Variants in KRT77 observed in about 807,000 individuals in gnomAD.
The protein encoded by KRT77 is keratin, type II cytoskeletal 1b.
A neutral mutation model predicts 51.5 loss-of-function variants in KRT77; 44 were observed. That is an observed-to-expected ratio of 0.85 (90% CI 0.67 to 1.10). KRT77 has a LOEUF of 1.10. Among genes scored for constraint, KRT77 ranks in the 50% least tolerant of loss-of-function variants. The pLI, the probability that KRT77 is intolerant of heterozygous loss-of-function variation, is 0.00. For missense variants in KRT77, 763 were observed against 743.9 expected (o/e 1.03, Z -0.30); for synonymous variants, 293 against 302.0 (o/e 0.97, Z 0.31).
rs766459602 is a variant in KRT77 at position 52,691,422 on chromosome 12, C to T, written c.1480G>A (p.Val494Met). The T allele has an allele frequency of 2.5e-6, 4 of 1,593,936 alleles. No homozygotes were observed. The highest frequency in any genetic ancestry group is 3.4e-6 in the Non-Finnish European group (4 of 1,174,722). The change falls in exon 9 of 9, where the codon GTG (valine) becomes ATG (methionine). Residue 494 changes from valine (V) to methionine (M), a missense_variant. By Grantham distance (21) the Val-to-Met change is conservative (BLOSUM62 1). Coordinates refer to ENST00000341809, the MANE Select transcript of KRT77 (RefSeq NM_175078.3). ...CCTCCCGCGCCGCCGTTGACGCTCA[C>T]CTGGCTGTTCTGCACGGCTGTGGGT... ...HVSISVQNSQ[V>M]SVNGGAGGGG... is the part of the protein sequence containing the mutation.
intron 1 of KRT77, among the ~76,000 whole-genome samples, chr12:52,700,129 C>T (rs1192610490): frequency 6.6e-6 from 1 of 152,186 alleles, no homozygotes; most frequent in Admixed American, 6.5e-5. Flanking sequence ...TTTCCACTCT[C>T]TGAGCGTCCA....
chr12:52,697,956 T>C lies in KRT77; in HGVS notation c.544-60A>G, dbSNP rs185788292. On this transcript the variant is annotated intron_variant, in intron 1 of 8. Transcript: ENST00000341809. Reference sequence around the variant, plus strand: ...TGGATCAGAGCAGCTCCCCCATAAGTAGGAGCATCCATACCCCCTCAACAC... The same window carrying C: ...TGGATCAGAGCAGCTCCCCCATAAGCAGGAGCATCCATACCCCCTCAACAC... 5.9e-5 allele frequency: 90 copies of C among 1,520,378 alleles called. No individual in the cohort carries two copies. The African/African-American group carries it at 1.1e-3, about 19-fold the overall frequency. 94.2% of individuals were successfully genotyped at this position (1,520,378 alleles called of 1,614,324 possible). A position where few individuals can be genotyped will look rare whatever the true frequency, so the allele number is the denominator to read the frequency against.
intron 1 of KRT77, chr12:52,698,388 C>A: frequency 2.5e-6 from 1 of 394,788 alleles, no homozygotes; most frequent in South Asian, 1.9e-5. Context: ...CCTGCAGCCA[C>A]CACCACCTCT....
intron 3 of KRT77, 91 bp downstream of exon 3, chr12:52,696,279 C>T: frequency 7.9e-7 from 1 of 1,264,346 alleles, no homozygotes; most frequent in African/African-American, 1.5e-5. Flanking sequence ...AGAGGCCACC[C>T]TGCCGTTGTC....
rs1208497914 is a variant in KRT77, at chr12:52,703,427, T to C, written c.8A>G (p.His3Arg). 6.3e-7 allele frequency: 1 copy of C among 1,577,200 alleles called. No homozygotes were observed. The highest frequency in any genetic ancestry group is 1.4e-5 in the African/African-American group (1 of 73,968). ...AAACGCGGACTGAGAACTAAATTGG[T>C]GGCTCATGTTTGCTGGAGCATCCAG... Reference protein sequence around the residue: MSHQFSSQSAFSS... With the variant: MSRQFSSQSAFSS... Residue 3 changes from histidine (H) to arginine (R), a missense_variant, in exon 1 of 9, where the codon CAC becomes CGC. His to Arg is a conservative substitution (Grantham distance 29). Coordinates refer to ENST00000341809, the MANE Select transcript of KRT77 (RefSeq NM_175078.3).
chr12:52,703,336 T>C lies in KRT77; in HGVS notation c.99A>G (p.Ala33=). ...SSAGSGGGSP[A]VGSVCYARGR... is the part of the protein sequence containing the mutation. ...CTCGAGCATAACACACAGAACCCAC[T>C]GCCGGACTCCCACCACCAGAGCCTG... Residue 33 remains alanine, a synonymous_variant, in exon 1 of 9, where the codon GCA becomes GCG. Coordinates refer to ENST00000341809, the MANE Select transcript of KRT77 (RefSeq NM_175078.3). 6.2e-7 allele frequency: 1 copy of C among 1,614,032 alleles called. No individual in the cohort carries two copies. Among genetic ancestry groups the C allele is most frequent in the South Asian group, 1.1e-5 (1 of 91,054 alleles).
At position 52,703,386 on chromosome 12, in the gene KRT77, G is replaced by T; in HGVS notation, c.49C>A (p.Arg17=). ...SQSAFSSMSR[R]VYSTSSSAGS... ...GCAGAAGAGCTGGTACTATAAACCC[G>T]CCTGCTCATTGAACTAAACGCGGAC... Residue 17 remains arginine, a synonymous_variant, in exon 1 of 9, where the codon CGG becomes AGG. Coordinates refer to ENST00000341809, the MANE Select transcript of KRT77 (RefSeq NM_175078.3). The T allele has an allele frequency of 1.9e-6, 3 of 1,610,902 alleles. No individual in the cohort carries two copies. Among genetic ancestry groups the T allele is most frequent in the Non-Finnish European group, 1.7e-6 (2 of 1,177,988 alleles).
At chr12:52,692,003 C>T in intron 7 of KRT77, 31 bp from the exon 8 acceptor site, 2 of 1,612,932 alleles carry the variant, frequency 1.2e-6, no homozygotes, top group Non-Finnish European at 1.7e-6. Context: ...GTCAGCCAGA[C>T]CCACAGGGCC....
In KRT77 at chr12:52,702,865, G is replaced by A. The variant is rs199733480; in HGVS notation, c.543+27C>T. On this transcript the variant is annotated intron_variant, in intron 1 of 8. Coordinates refer to ENST00000341809, the MANE Select transcript of KRT77 (RefSeq NM_175078.3). ...CTCAGTCATTTGGTCAGTGACCAAT[G>A]ACCCTCCCTGCCCCTGAGGTGCTCA... 5 of 1,611,442 alleles carry A rather than the reference G, an allele frequency of 3.1e-6. No individual in the cohort carries two copies. The South Asian group carries it at 4.4e-5, about 14-fold the overall frequency.
At chr12:52,695,902 C>T (rs372178812) in intron 3 of KRT77, 35 bp from the exon 4 acceptor site, 2 of 1,358,892 alleles carry the variant, frequency 1.5e-6, no homozygotes, top group Non-Finnish European at 2.1e-6. Flanking sequence ...GACTTTATTG[C>T]CCAGGCATTG....
At position 52,691,140 on chromosome 12, in the gene KRT77, G is replaced by A. The variant is rs566213884; in HGVS notation, c.*25C>T. On this transcript the variant is annotated 3_prime_UTR_variant, in exon 9 of 9. Transcript: ENST00000341809. ...GAGGAGAGGGCGGTGAGGGGCAGGC[G>A]TGATGTGTGGCAGAAACGAGGCCTC... The A allele has an allele frequency of 3.2e-4, 524 of 1,613,914 alleles. 9 individuals are homozygous for A. In the South Asian group the frequency reaches 5.5e-3, roughly 17 times the overall value.
At chr12:52,692,389 C>T (rs2121043769) in intron 7 of KRT77, 32 bp downstream of exon 7, 1 of 1,610,842 alleles carries the variant, frequency 6.2e-7, no homozygotes, top group Non-Finnish European at 8.5e-7. Flanking sequence ...CATCTCAAGC[C>T]TTAGCCCCAG....
chr12:52,696,694 G>A, intron 2 of KRT77: 1 of 417,910 alleles, frequency 2.4e-6, no homozygotes, highest in African/African-American at 2.0e-5. Flanking sequence ...TCCCTGGAAT[G>A]TCTATTTTTA....
chr12:52,698,163 A>G (rs1294705421), intron 1 of KRT77: 1 of 1,370,828 alleles, frequency 7.3e-7, no homozygotes, highest in Admixed American at 2.2e-5. Context: ...CATTTACATC[A>G]TAGAGCACTC....
Position 52,697,808 on chromosome 12 carries a change from A to C in KRT77, c.632T>G (p.Leu211Arg). The part of the protein sequence containing the change: ...QVNTSTGTNN[L>R]EPLLENYIGD... ...GATGTAGTTCTCCAAGAGGGGCTCC[A>C]GGTTGTTGGTTCCAGTTGAGGTGTT... The change falls in exon 2 of 9, where the codon CTG becomes CGG. Residue 211 changes from leucine (L) to arginine (R), a missense_variant. Transcript: ENST00000341809. 1 of 1,614,012 alleles carries C rather than the reference A, an allele frequency of 6.2e-7. No homozygotes were observed. Among genetic ancestry groups the C allele is most frequent in the Non-Finnish European group, 8.5e-7 (1 of 1,179,950 alleles).
chr12:52,695,629 T>C (rs1479345439), intron 4 of KRT77, 143 bp downstream of exon 4: 4 of 630,238 alleles, frequency 6.3e-6, no homozygotes, highest in Non-Finnish European at 1.2e-5. Context: ...GATGGCTGAC[T>C]CCAGGCCCAC....
At position 52,694,664 on chromosome 12, in the gene KRT77, T is replaced by C; in HGVS notation, c.1042A>G (p.Arg348Gly). The C allele has an allele frequency of 6.2e-7, 1 of 1,612,166 alleles. No homozygotes were observed. The highest frequency in any genetic ancestry group is 2.2e-5 in the East Asian group (1 of 44,832). Residue 348 changes from arginine (R) to glycine (G), a missense_variant, in exon 5 of 9, where the codon AGG becomes GGG. Arg to Gly is a moderately radical substitution (Grantham distance 125, BLOSUM62 -2). Coordinates refer to ENST00000341809, the MANE Select transcript of KRT77 (RefSeq NM_175078.3). ...VRTQYELIAQRSKDEAEALYQ... is the reference protein window; with the variant it reads ...VRTQYELIAQGSKDEAEALYQ... ...AGGGCTTCGGCCTCGTCCTTGCTCCTCTGTGCAATCAGTTCATACTGGGTC... is the reference window on the plus strand; with the variant it reads ...AGGGCTTCGGCCTCGTCCTTGCTCCCCTGTGCAATCAGTTCATACTGGGTC...
At position 52,703,474 on chromosome 12, in the gene KRT77, C is replaced by T. The variant is rs1348682835; in HGVS notation, c.-40G>A. The T allele has an allele frequency of 1.3e-6, 2 of 1,524,060 alleles. No individual in the cohort carries two copies. The highest frequency in any genetic ancestry group is 1.4e-5 in the African/African-American group (1 of 71,844). The allele number at this position is 1,524,060 out of a possible 1,614,324, so 94.4% of individuals were successfully genotyped here. On this transcript the variant is annotated 5_prime_UTR_variant, in exon 1 of 9. Coordinates refer to ENST00000341809, the MANE Select transcript of KRT77 (RefSeq NM_175078.3). ...CCAGAGAAGCAGGCAAGAGAAAGAG[C>T]CTGGCAGGAAGGAGGCAGAGACCAG...
rs1036222015 is a variant in KRT77, at chr12:52,690,946, C to T, written c.*219G>A. 20 of 643,500 alleles carry T rather than the reference C, an allele frequency of 3.1e-5. No homozygotes were observed. The highest frequency in any genetic ancestry group is 5.0e-5 in the Non-Finnish European group (19 of 377,092). 39.9% of individuals were successfully genotyped at this position (643,500 alleles called of 1,614,324 possible). On this transcript the variant is annotated 3_prime_UTR_variant, in exon 9 of 9. Coordinates refer to ENST00000341809, the MANE Select transcript of KRT77 (RefSeq NM_175078.3). ...AGAGCGGGGTCTGAGTGAGAATGTGCCTAGCTGTGAATCTGACTGCAAGCC... is the reference window on the plus strand; with the variant it reads ...AGAGCGGGGTCTGAGTGAGAATGTGTCTAGCTGTGAATCTGACTGCAAGCC...
Sources: gnomAD v4.1 joint callset for allele counts (sites outside exome capture counted in the v4.1 genomes callset) on GRCh38, gnomAD v4.1.1 for gene constraint, MANE v1.5 for transcripts, NCBI Gene and HGNC (gene_info 2026-07-23, HGNC 2026-07-21) for gene names.